INTS3: variants seen among roughly 807,000 people sequenced by gnomAD.
INTS3 encodes the protein SOSS complex subunit A.
In INTS3, 34 loss-of-function variants were observed where a neutral mutation model predicts 146.3. The observed-to-expected ratio is 0.23, with a 90% confidence interval of 0.18 to 0.31. The LOEUF (loss-of-function observed/expected upper bound fraction) is 0.31. INTS3 is among the 10% of genes least tolerant of loss of function. The pLI, the probability that INTS3 is intolerant of heterozygous loss-of-function variation, is 1.00. For synonymous variants in INTS3, 475 were observed against 494.9 expected (o/e 0.96, Z 0.53); for missense variants, 757 against 1,304.2 (o/e 0.58, Z 6.46).
chr1:153,731,291 G>A (rs748771315), intron 1 of INTS3, among the ~76,000 whole-genome samples: 14 of 152,292 alleles, frequency 9.2e-5, no homozygotes, highest in Non-Finnish European at 1.9e-4. Context: ...GGAAGCACTG[G>A]TCAAGAGCAT....
intron 1 of INTS3, among the ~76,000 whole-genome samples, chr1:153,737,119 A>C (rs1671324469): frequency 6.6e-6 from 1 of 152,102 alleles, no homozygotes; most frequent in South Asian, 2.1e-4. Flanking sequence ...AGTTCTTCAA[A>C]ATGCTGTGAT....
At position 153,772,778 on chromosome 1, in the gene INTS3, C is replaced by G; in HGVS notation, c.2894+67C>G. 1 of 1,589,504 alleles carries G rather than the reference C, an allele frequency of 6.3e-7. No homozygotes were observed. The highest frequency in any genetic ancestry group is 8.6e-7 in the Non-Finnish European group (1 of 1,166,736). ...AAAAGCCTAAGGGAGAGGAAGCCTG[C>G]TAGGGACATAAACGTAATGGCCAGC... On this transcript the variant is annotated intron_variant, in intron 28 of 29. Transcript: ENST00000318967. The surrounding 1 kb of genome is among the most constrained non-coding windows in gnomAD (Gnocchi z 4.6).
At chr1:153,773,129 G>C in intron 29 of INTS3, 48 bp downstream of exon 29, 1 of 1,613,800 alleles carries the variant, frequency 6.2e-7, no homozygotes, top group Non-Finnish European at 8.5e-7. Flanking sequence ...CTGGGTGCAG[G>C]TGGAGTCGGC....
At position 153,772,256 on chromosome 1, in the gene INTS3, T is replaced by G; in HGVS notation, c.2721-84T>G. 1 of 1,486,364 alleles carries G rather than the reference T, an allele frequency of 6.7e-7. No homozygotes were observed. The highest frequency in any genetic ancestry group is 9.2e-7 in the Non-Finnish European group (1 of 1,081,716). The allele number at this position is 1,486,364 out of a possible 1,614,324, so 92.1% of individuals were successfully genotyped here. A position where few individuals can be genotyped will look rare whatever the true frequency, so the allele number is the denominator to read the frequency against. ...TTCCCCATGTAGGCTGCCTCTGTCT[T>G]AAGGGGGCCCTGGCGGGTGGAGGGT... On this transcript the variant is annotated intron_variant, in intron 26 of 29. Coordinates refer to ENST00000318967, the MANE Select transcript of INTS3 (RefSeq NM_023015.5). This position sits in a 1 kb window ranked among gnomAD's most constrained non-coding sequence, Gnocchi z 4.6.
chr1:153,755,349 C>T (rs1020129599), intron 9 of INTS3, among the ~76,000 whole-genome samples: 3 of 152,076 alleles, frequency 2.0e-5, no homozygotes, highest in African/African-American at 4.8e-5. Context: ...CCGCAGCCTC[C>T]GCCTGTTGGG....
chr1:153,754,579 T>A, intron 8 of INTS3, 63 bp from the exon 9 acceptor site: 3 of 1,146,550 alleles, frequency 2.6e-6, no homozygotes, highest in Admixed American at 1.7e-5. Flanking sequence ...GTTCCCAACA[T>A]GCCTTTCATT....
At chr1:153,769,614 G>A (rs775403439) in intron 22 of INTS3, among the ~76,000 whole-genome samples, 155 bp from the exon 23 acceptor site, 1 of 151,744 alleles carries the variant, frequency 6.6e-6, no homozygotes, top group East Asian at 1.9e-4. Flanking sequence ...GGCAGCATTC[G>A]TTGTGTGCCA....
At position 153,740,750 on chromosome 1, in the gene INTS3, T is replaced by A. The variant is rs755296814; in HGVS notation, c.234+16T>A. ...CAATGCGTATGTAAGTAGAATGCTG[T>A]CCCTGCAGCCACTGCTGCTGCTGTG... On this transcript the variant is annotated intron_variant, in intron 2 of 29. Coordinates refer to ENST00000318967, the MANE Select transcript of INTS3 (RefSeq NM_023015.5). The A allele has an allele frequency of 1.9e-6, 3 of 1,584,332 alleles. No individual in the cohort carries two copies. Among genetic ancestry groups the A allele is most frequent in the South Asian group, 1.1e-5 (1 of 90,430 alleles).
chr1:153,759,219 A>G (rs1296610252), intron 10 of INTS3, among the ~76,000 whole-genome samples: 1 of 151,226 alleles, frequency 6.6e-6, no homozygotes, highest in African/African-American at 2.4e-5. Context: ...GGTTGCAGTG[A>G]GCTGAGATCA....
At chr1:153,770,953 G>A (rs562561517) in intron 25 of INTS3, among the ~76,000 whole-genome samples, 10 of 152,220 alleles carry the variant, frequency 6.6e-5, no homozygotes, top group African/African-American at 2.2e-4. Flanking sequence ...AGCTGCCCTC[G>A]GAGGTGGGGA....
chr1:153,762,838 A>G lies in INTS3; in HGVS notation c.1627A>G (p.Asn543Asp), dbSNP rs1182605466. Residue 543 changes from asparagine to aspartate, a missense_variant, in exon 15 of 30, where the codon AAC (asparagine) becomes GAC (aspartate). Physicochemically the swap from Asn to Asp is conservative, Grantham distance 23. Transcript: ENST00000318967. Reference protein sequence around the residue: ...AAFSDDEEDLNSKGKKREFRF... With the variant: ...AAFSDDEEDLDSKGKKREFRF... ...CTTCAGTGACGATGAAGAGGATCTC[A>G]ACAGCAAAGGTGAGGCCATCAGCAA... is the stretch of plus-strand genomic sequence containing the variant. 6.2e-7 allele frequency: 1 copy of G among 1,603,710 alleles called. No homozygotes were observed. The highest frequency in any genetic ancestry group is 8.5e-7 in the Non-Finnish European group (1 of 1,170,818).
chr1:153,748,141 G>C (rs570898205), intron 5 of INTS3: 156 of 157,244 alleles, frequency 9.9e-4, no homozygotes, highest in Non-Finnish European at 1.9e-3. Context: ...CTTCTTCCCT[G>C]TTTGGCACTT....
chr1:153,728,553 T>C lies in INTS3; in HGVS notation c.-82T>C. Reference sequence around the variant, plus strand: ...CCAACTTGTTCCTCTTGCCCCCCAGTCCCTGGCAATCCAGAGATCCCGATA... The same window carrying C: ...CCAACTTGTTCCTCTTGCCCCCCAGCCCCTGGCAATCCAGAGATCCCGATA... On this transcript the variant is annotated 5_prime_UTR_variant, in exon 1 of 30. Transcript: ENST00000318967. The C allele has an allele frequency of 6.7e-7, 1 of 1,488,482 alleles. No homozygotes were observed. Among genetic ancestry groups the C allele is most frequent in the South Asian group, 1.3e-5 (1 of 75,004 alleles). 92.2% of individuals were successfully genotyped at this position (1,488,482 alleles called of 1,614,324 possible).
At chr1:153,746,357 A>T (rs1411793043) in intron 3 of INTS3, among the ~76,000 whole-genome samples, 1 of 152,210 alleles carries the variant, frequency 6.6e-6, no homozygotes, top group East Asian at 1.9e-4. Context: ...TGGGGGGGAC[A>T]GGGATAGTAC....
intron 8 of INTS3, among the ~76,000 whole-genome samples, chr1:153,753,288 G>A (rs1380380879): frequency 6.6e-6 from 1 of 152,100 alleles, no homozygotes; most frequent in East Asian, 1.9e-4. Flanking sequence ...GCCGGGCGCG[G>A]TGGCTCACAC....
chr1:153,729,730 GT>G (rs1338303819), intron 1 of INTS3, among the ~76,000 whole-genome samples: 1 of 152,106 alleles, frequency 6.6e-6, no homozygotes, highest in Non-Finnish European at 1.5e-5. Context: ...GCTGGGCATG[GT>G]GGCTTGTGCC....
chr1:153,772,815 G>A lies in INTS3; in HGVS notation c.2894+104G>A. 1.9e-6 allele frequency: 3 copies of A among 1,583,104 alleles called. No individual in the cohort carries two copies. Among genetic ancestry groups the A allele is most frequent in the Non-Finnish European group, 2.6e-6 (3 of 1,161,710 alleles). On this transcript the variant is annotated intron_variant, in intron 28 of 29. Transcript: ENST00000318967. The surrounding 1 kb of genome is among the most constrained non-coding windows in gnomAD (Gnocchi z 4.6). Reference sequence around the variant, plus strand: ...ACGTAATGGCCAGCAAGACCTTAGGGTCCAGGGTTGAAGAAAAAGAAGGCC... The same window carrying A: ...ACGTAATGGCCAGCAAGACCTTAGGATCCAGGGTTGAAGAAAAAGAAGGCC...
chr1:153,763,903 T>A lies in INTS3; in HGVS notation c.1821+17T>A. On this transcript the variant is annotated intron_variant, in intron 17 of 29. Coordinates refer to ENST00000318967, the MANE Select transcript of INTS3 (RefSeq NM_023015.5). ...GTCCTGGAGGTGAGGAGGAACCCAA[T>A]CCCTTAGGGAGGAAGCAGCCTAGCC... 6.2e-7 allele frequency: 1 copy of A among 1,611,746 alleles called. No homozygotes were observed. Among genetic ancestry groups the A allele is most frequent in the Non-Finnish European group, 8.5e-7 (1 of 1,178,088 alleles).
chr1:153,769,780 G>A lies in INTS3; in HGVS notation c.2325G>A (p.Leu775=), dbSNP rs1439307525. 2 of 1,613,054 alleles carry A rather than the reference G, an allele frequency of 1.2e-6. No individual in the cohort carries two copies. The highest frequency in any genetic ancestry group is 1.1e-5 in the South Asian group (1 of 91,052). Residue 775 remains leucine, a synonymous_variant, in exon 23 of 30, where the codon CTG becomes CTA. Transcript: ENST00000318967. ...CTCCACCTCCTTAGCTCCAGGAGCT[G>A]GTCTGCCACGTGATGATGGGTAACC... ...AVIDSAQLQE[L]VCHVMMGNLV...
Sources: allele counts gnomAD v4.1 joint callset (sites outside exome capture counted in the v4.1 genomes callset), GRCh38; gene constraint gnomAD v4.1.1; non-coding constraint Gnocchi (gnomAD v3.1); transcripts MANE v1.5; gene names NCBI Gene and HGNC (gene_info 2026-07-23, HGNC 2026-07-21).